WDR72: variants seen among roughly 807,000 people sequenced by gnomAD.
WDR72 encodes the protein WD repeat domain 72.
WDR72 carries 120 observed loss-of-function variants against 124.2 expected under a neutral mutation model. The ratio of observed to expected loss-of-function variants is 0.97; its 90% CI spans 0.83 to 1.12. The LOEUF (loss-of-function observed/expected upper bound fraction) is 1.12, where lower values mean the gene tolerates loss of function less well. Among genes scored for constraint, WDR72 ranks in the 50% most tolerant of loss-of-function variants. The probability of loss-of-function intolerance (pLI) is 0.00; values close to 1 mark genes in which losing one functional copy is unlikely to be tolerated. For synonymous variants in WDR72, 452 were observed against 441.7 expected (o/e 1.02, Z -0.29); for missense variants, 1,387 against 1,278.8 (o/e 1.08, Z -1.29).
At chr15:53,553,194 T>TA (rs1383949317) in intron 18 of WDR72, among the ~76,000 whole-genome samples, 1 of 152,128 alleles carries the variant, frequency 6.6e-6, no homozygotes, top group Non-Finnish European at 1.5e-5. Flanking sequence ...GCTTCATCAT[T>TA]AAAAAATTCA....
At chr15:53,628,894 C>T (rs977772683) in intron 14 of WDR72, among the ~76,000 whole-genome samples, 1 of 151,670 alleles carries the variant, frequency 6.6e-6, no homozygotes, top group African/African-American at 2.4e-5. Flanking sequence ...CGGGAAGAAA[C>T]ACAAAGTGCT....
At chr15:53,723,806 A>G (rs2017944091) in intron 2 of WDR72, among the ~76,000 whole-genome samples, 1 of 152,226 alleles carries the variant, frequency 6.6e-6, no homozygotes, top group African/African-American at 2.4e-5. Flanking sequence ...CTTTTATACT[A>G]TATTTTTTAG....
At position 53,751,201 on chromosome 15, in the gene WDR72, G is replaced by A. The variant is rs2018765355; in HGVS notation, c.-13+8432C>T. Among the ~76,000 whole-genome samples the A allele has an allele frequency of 1.3e-5, 2 of 151,652 alleles. 1 individual carries two copies. The highest frequency in any genetic ancestry group is 4.2e-4 in the South Asian group (2 of 4,818). On this transcript the variant is annotated intron_variant, in intron 1 of 19. Coordinates refer to ENST00000360509, the MANE Select transcript of WDR72 (RefSeq NM_182758.4). ...AGGTGTGAGGATCACCTGAGGCCAG[G>A]AGTTTGAGACCAGCCTGGGCAACAT...
intron 18 of WDR72, among the ~76,000 whole-genome samples, chr15:53,571,803 T>C (rs1354562516): frequency 6.6e-6 from 1 of 152,054 alleles, no homozygotes; most frequent in Non-Finnish European, 1.5e-5. Context: ...TTCATACTGC[T>C]TTCCATAATG....
rs150062182 is a variant in WDR72, at chr15:53,749,558, G to A, written c.-13+10075C>T. Among the ~76,000 whole-genome samples, 292 of 152,208 alleles carry A rather than the reference G, an allele frequency of 1.9e-3. 2 individuals carry two copies. Among genetic ancestry groups the A allele is most frequent in the African/African-American group, 6.8e-3 (281 of 41,544 alleles). On this transcript the variant is annotated intron_variant, in intron 1 of 19. Transcript: ENST00000360509. ...TTAATAATCCTATAATGGCCTCTAAGTGTTCAAGTGAAAGGAAGAGTTGCA... is the reference window on the plus strand; with the variant it reads ...TTAATAATCCTATAATGGCCTCTAAATGTTCAAGTGAAAGGAAGAGTTGCA...
intron 17 of WDR72, among the ~76,000 whole-genome samples, chr15:53,600,434 T>C (rs1225610061): frequency 4.6e-5 from 7 of 151,340 alleles, no homozygotes; most frequent in African/African-American, 1.5e-4. Flanking sequence ...AAGGTAGATA[T>C]CAAAGAATCA....
At chr15:53,638,739 C>T (rs561434402) in intron 14 of WDR72, among the ~76,000 whole-genome samples, 41 of 152,034 alleles carry the variant, frequency 2.7e-4, no homozygotes, top group Non-Finnish European at 4.6e-4. Context: ...TGCAGTGGCT[C>T]ATGCCTCTAA....
intron 18 of WDR72, among the ~76,000 whole-genome samples, chr15:53,596,631 T>G (rs2140338792): frequency 1.3e-5 from 2 of 152,306 alleles, no homozygotes. Context: ...TGCTTTCAGT[T>G]TTAATTGCTT....
intron 11 of WDR72, 99 bp downstream of exon 11, chr15:53,704,889 C>T: frequency 7.2e-7 from 1 of 1,388,032 alleles, no homozygotes. Flanking sequence ...CAGCAAATGC[C>T]AGCAAATTAT....
At chr15:53,652,842 C>T (rs563408802) in intron 14 of WDR72, among the ~76,000 whole-genome samples, 2 of 152,256 alleles carry the variant, frequency 1.3e-5, no homozygotes, top group African/African-American at 4.8e-5. Context: ...GTTCTATGCC[C>T]ACCTTACCCA....
chr15:53,740,955 A>G (rs1262909362), intron 1 of WDR72, among the ~76,000 whole-genome samples: 3 of 152,158 alleles, frequency 2.0e-5, no homozygotes, highest in East Asian at 1.9e-4. Flanking sequence ...ACTTACTACT[A>G]TTATTTTTAT....
intron 14 of WDR72, among the ~76,000 whole-genome samples, chr15:53,630,390 C>T (rs536964875): frequency 6.6e-6 from 1 of 152,202 alleles, no homozygotes; most frequent in East Asian, 1.9e-4. Context: ...GATACTGAAA[C>T]CAGACAGAGA....
At chr15:53,726,938 A>G (rs2018056661) in intron 2 of WDR72, among the ~76,000 whole-genome samples, 1 of 152,210 alleles carries the variant, frequency 6.6e-6, no homozygotes, top group South Asian at 2.1e-4. Flanking sequence ...TTATTTTGTA[A>G]AACAAGATGA....
At chr15:53,605,607 C>A (rs1314380730) in intron 17 of WDR72, among the ~76,000 whole-genome samples, 1 of 152,248 alleles carries the variant, frequency 6.6e-6, no homozygotes, top group Non-Finnish European at 1.5e-5. Flanking sequence ...GTAATCCCAA[C>A]ACTTTGGGAG....
chr15:53,702,269 G>C lies in WDR72; in HGVS notation c.1434C>G (p.Asp478Glu). Residue 478 changes from aspartate to glutamate, a missense_variant, in exon 12 of 20, where the codon GAC (aspartate) becomes GAG (glutamate). Coordinates refer to ENST00000360509, the MANE Select transcript of WDR72 (RefSeq NM_182758.4). Reference protein sequence around the residue: ...LYPHGLSSKLDQSWMLSGDLD... With the variant: ...LYPHGLSSKLEQSWMLSGDLD... ...GGTCCCCAGACAACATCCAACTTTGGTCTAATTTCGAAGAGAGACCATGTG... is the reference window on the plus strand; with the variant it reads ...GGTCCCCAGACAACATCCAACTTTGCTCTAATTTCGAAGAGAGACCATGTG... The C allele has an allele frequency of 6.2e-7, 1 of 1,614,058 alleles. No individual in the cohort carries two copies. Among genetic ancestry groups the C allele is most frequent in the Non-Finnish European group, 8.5e-7 (1 of 1,180,000 alleles).
chr15:53,596,600 T>C (rs1345125335), intron 18 of WDR72, among the ~76,000 whole-genome samples: 1 of 152,192 alleles, frequency 6.6e-6, no homozygotes, highest in Non-Finnish European at 1.5e-5. Context: ...ATATATCCTA[T>C]TAAGCTATTG....
chr15:53,592,473 G>A (rs570795971), intron 18 of WDR72, among the ~76,000 whole-genome samples: 2 of 152,106 alleles, frequency 1.3e-5, no homozygotes, highest in Non-Finnish European at 2.9e-5. Context: ...TCACCAAAAT[G>A]TTTCTGTTGA....
At chr15:53,738,592 T>C (rs1331046348) in intron 1 of WDR72, among the ~76,000 whole-genome samples, 1 of 152,028 alleles carries the variant, frequency 6.6e-6, no homozygotes, top group East Asian at 1.9e-4. Flanking sequence ...TTGTTTTTGT[T>C]TGTTTGTTTG....
intron 14 of WDR72, among the ~76,000 whole-genome samples, chr15:53,636,254 C>G (rs923573497): frequency 2.1e-4 from 32 of 152,124 alleles, no homozygotes; most frequent in African/African-American, 6.8e-4. Context: ...AGAAACTGAG[C>G]TGAAAATGTC....
Sources: gnomAD v4.1 joint callset for allele counts (sites outside exome capture counted in the v4.1 genomes callset) on GRCh38, gnomAD v4.1.1 for gene constraint, MANE v1.5 for transcripts, NCBI Gene and HGNC (gene_info 2026-07-23, HGNC 2026-07-21) for gene names.